The following ENTREP1 variants were observed in gnomAD, a reference collection of about 807,000 sequenced individuals.
The protein encoded by ENTREP1 is Friedreich ataxia region gene X123.
chr9:69,327,636 A>AAAGAAAAG, the ENTREP1 span, among the ~76,000 whole-genome samples: 1 of 151,288 alleles, frequency 6.6e-6, no homozygotes, highest in Non-Finnish European at 1.5e-5. Context: ...AAAGAAAAGA[A>AAAGAAAAG]AAAAAAAGGC....
the ENTREP1 span, chr9:69,329,784 T>G: frequency 3.4e-6 from 3 of 887,190 alleles, no homozygotes; most frequent in African/African-American, 5.4e-5. Flanking sequence ...TAGTGTTAAC[T>G]AGATTCCACT....
the ENTREP1 span, among the ~76,000 whole-genome samples, chr9:69,334,859 C>T: frequency 6.6e-6 from 1 of 150,922 alleles, no homozygotes; most frequent in Admixed American, 6.6e-5. Flanking sequence ...TCACTGCAAC[C>T]TCTGCCTCCT....
the ENTREP1 span, among the ~76,000 whole-genome samples, chr9:69,362,856 C>T: frequency 2.0e-5 from 3 of 152,140 alleles, no homozygotes; most frequent in South Asian, 6.2e-4. Flanking sequence ...TGCTTCCTGC[C>T]CTTGGACATC....
the ENTREP1 span, among the ~76,000 whole-genome samples, chr9:69,345,035 T>C: frequency 6.6e-6 from 1 of 152,346 alleles, no homozygotes; most frequent in Non-Finnish European, 1.5e-5. Context: ...TTAAAAATAG[T>C]TCAAACTAAA....
the ENTREP1 span, among the ~76,000 whole-genome samples, chr9:69,385,165 C>T: frequency 6.6e-6 from 1 of 152,188 alleles, no homozygotes; most frequent in African/African-American, 2.4e-5. Flanking sequence ...AGGTGATCCA[C>T]CCACCTCAGC....
the ENTREP1 span, among the ~76,000 whole-genome samples, chr9:69,331,261 A>G: frequency 6.6e-6 from 1 of 152,238 alleles, no homozygotes; most frequent in African/African-American, 2.4e-5. Flanking sequence ...TTGATAAATG[A>G]TTCAGAACAT....
At chr9:69,325,165 T>C in the ENTREP1 span, 212 of 1,036,648 alleles carry the variant, frequency 2.0e-4, no homozygotes, top group Non-Finnish European at 2.4e-4. Context: ...AGCAAGTGGT[T>C]GGGCCGTGCG....
the ENTREP1 span, among the ~76,000 whole-genome samples, chr9:69,346,301 A>AT: frequency 6.6e-6 from 1 of 150,782 alleles, no homozygotes; most frequent in African/African-American, 2.4e-5. Context: ...CATTTTAAAC[A>AT]TTTTCTGGTT....
At chr9:69,327,801 C>T in the ENTREP1 span, among the ~76,000 whole-genome samples, 1 of 152,192 alleles carries the variant, frequency 6.6e-6, no homozygotes, top group Non-Finnish European at 1.5e-5. Context: ...CCCATACTCT[C>T]CAAACACAGG....
At chr9:69,344,658 C>T in the ENTREP1 span, among the ~76,000 whole-genome samples, 2 of 152,122 alleles carry the variant, frequency 1.3e-5, no homozygotes, top group African/African-American at 4.8e-5. Flanking sequence ...AGCCTGTGAG[C>T]CCGTGACCTC....
the ENTREP1 span, chr9:69,329,608 C>T: frequency 3.0e-6 from 3 of 985,174 alleles, no homozygotes; most frequent in Non-Finnish European, 3.6e-6. Context: ...TTCCTGGTAT[C>T]ACCGGTAAAT....
At chr9:69,387,963 C>A in the ENTREP1 span, 5 of 1,534,408 alleles carry the variant, frequency 3.3e-6, no homozygotes, top group South Asian at 6.0e-5. Flanking sequence ...GGGCCATATC[C>A]TATTGGAACT....
chr9:69,342,316 T>G, the ENTREP1 span, among the ~76,000 whole-genome samples: 1 of 152,218 alleles, frequency 6.6e-6, no homozygotes, highest in African/African-American at 2.4e-5. Flanking sequence ...TGAATGATTG[T>G]TAGAAAGAAC....
the ENTREP1 span, chr9:69,383,222 G>C: frequency 1.4e-6 from 1 of 721,366 alleles, no homozygotes; most frequent in Non-Finnish European, 1.7e-6. Context: ...GTAGCATTTA[G>C]TGCATTCACA....
the ENTREP1 span, among the ~76,000 whole-genome samples, chr9:69,373,985 C>G: frequency 1.3e-5 from 2 of 152,114 alleles, no homozygotes; most frequent in Admixed American, 1.3e-4. Context: ...TTCTGTCACC[C>G]TAAAAAGTTC....
chr9:69,340,259 G>A, the ENTREP1 span, among the ~76,000 whole-genome samples: 121,329 of 152,132 alleles, frequency 0.8, 48,510 homozygotes, highest in South Asian at 0.87. Flanking sequence ...TTGAAAGGCA[G>A]GCTGTCCTCG....
chr9:69,367,776 A>AAT, the ENTREP1 span, among the ~76,000 whole-genome samples: 20 of 83,356 alleles, frequency 2.4e-4, 3 homozygotes, highest in South Asian at 3.7e-3. Context: ...CATATATATA[A>AAT]ATATATATAC....
the ENTREP1 span, among the ~76,000 whole-genome samples, chr9:69,355,862 G>C: frequency 6.6e-6 from 1 of 152,176 alleles, no homozygotes; most frequent in African/African-American, 2.4e-5. Flanking sequence ...TAACATGGTG[G>C]CTGGTTTCTG....
the ENTREP1 span, chr9:69,391,588 T>G: frequency 6.2e-7 from 1 of 1,612,938 alleles, no homozygotes; most frequent in Non-Finnish European, 8.5e-7. Context: ...CCCACCCCTC[T>G]CTTTTCCCAA....
Sources: allele counts gnomAD v4.1 joint callset (sites outside exome capture counted in the v4.1 genomes callset), GRCh38; gene constraint gnomAD v4.1.1; transcripts MANE v1.5; gene names NCBI Gene and HGNC (gene_info 2026-07-23, HGNC 2026-07-21).